FRYL: variants seen among roughly 807,000 people sequenced by gnomAD.
The protein encoded by FRYL is FRY like transcription coactivator.
In FRYL, 150 loss-of-function variants were observed where a neutral mutation model predicts 351.2. That is an observed-to-expected ratio of 0.43 (90% CI 0.37 to 0.49). The LOEUF (loss-of-function observed/expected upper bound fraction) is 0.49. Among genes scored for constraint, FRYL ranks in the 20% least tolerant of loss-of-function variants. FRYL has a pLI of 0.00. For missense variants in FRYL, 3,036 were observed against 3,619.3 expected (o/e 0.84, Z 4.13); for synonymous variants, 1,153 against 1,257.1 (o/e 0.92, Z 1.75).
At chr4:48,596,350 C>A (rs1314221049) in intron 13 of FRYL, among the ~76,000 whole-genome samples, 2 of 152,044 alleles carry the variant, frequency 1.3e-5, no homozygotes, top group Non-Finnish European at 2.9e-5. Flanking sequence ...GAAAAAGGAT[C>A]ACTCATTTTT....
chr4:48,572,316 A>AG (rs1457366870), intron 26 of FRYL, among the ~76,000 whole-genome samples: 1 of 152,246 alleles, frequency 6.6e-6, no homozygotes, highest in African/African-American at 2.4e-5. Flanking sequence ...CCACAGGCAC[A>AG]GGAACTACTG....
chr4:48,592,475 CCAG>C (rs1743624587), intron 16 of FRYL, among the ~76,000 whole-genome samples: 1 of 151,800 alleles, frequency 6.6e-6, no homozygotes, highest in Non-Finnish European at 1.5e-5. Flanking sequence ...AGAAAAAAAC[CCAG>C]CAGAACTGAT....
intron 3 of FRYL, among the ~76,000 whole-genome samples, chr4:48,674,489 C>G (rs1763228137): frequency 6.6e-6 from 1 of 151,900 alleles, no homozygotes; most frequent in African/African-American, 2.4e-5. Flanking sequence ...TTAAAAATTG[C>G]AACATAGGGA....
chr4:48,642,174 T>C (rs1017048167), intron 3 of FRYL, among the ~76,000 whole-genome samples: 3 of 152,202 alleles, frequency 2.0e-5, no homozygotes, highest in African/African-American at 7.2e-5. Flanking sequence ...TACAGCTGTA[T>C]AACAGGTTTT....
intron 1 of FRYL, among the ~76,000 whole-genome samples, chr4:48,741,526 A>C (rs1181364226): frequency 6.6e-6 from 1 of 151,968 alleles, no homozygotes; most frequent in Non-Finnish European, 1.5e-5. Context: ...GGCAGCAGAG[A>C]GGGATTCTGT....
intron 50 of FRYL, among the ~76,000 whole-genome samples, chr4:48,529,433 A>C (rs1274419334): frequency 6.6e-6 from 1 of 152,216 alleles, no homozygotes; most frequent in Non-Finnish European, 1.5e-5. Flanking sequence ...AATTTGCATC[A>C]CTGCTTCAAA....
rs1491084568 is a variant in FRYL at position 48,525,194 on chromosome 4, T to TAC, written c.7318-2091_7318-2090insGT. Reference sequence around the variant, plus strand: ...ATATATATATATATATATATATATATATACACACACTTGGATGTGATGTAA... The same window carrying TAC: ...ATATATATATATATATATATATATATACATACACACACTTGGATGTGATGTAA... On this transcript the variant is annotated intron_variant, in intron 53 of 63. Coordinates refer to ENST00000358350, the MANE Select transcript of FRYL (RefSeq NM_015030.2). Among the ~76,000 whole-genome samples the TAC allele has an allele frequency of 3.6e-3, 525 of 145,726 alleles. 4 individuals are homozygous for TAC. The highest frequency in any genetic ancestry group is 0.011 in the African/African-American group (405 of 38,276).
At chr4:48,653,848 G>GC in intron 3 of FRYL, 1 of 1,287,944 alleles carries the variant, frequency 7.8e-7, no homozygotes, top group Non-Finnish European at 1.0e-6. Context: ...AGAAGCAGCA[G>GC]CAGCAGCGGT....
At chr4:48,689,730 A>T (rs1389219448) in intron 2 of FRYL, among the ~76,000 whole-genome samples, 1 of 152,182 alleles carries the variant, frequency 6.6e-6, no homozygotes. Context: ...GAAATTTGAA[A>T]GAGGTGGAGA....
At chr4:48,745,359 T>C (rs1482096897) in intron 1 of FRYL, among the ~76,000 whole-genome samples, 1 of 152,102 alleles carries the variant, frequency 6.6e-6, no homozygotes, top group East Asian at 1.9e-4. Context: ...AACCCAAATG[T>C]CCATCAATGA....
chr4:48,722,082 CA>C (rs767677554), intron 1 of FRYL, among the ~76,000 whole-genome samples: 2 of 152,118 alleles, frequency 1.3e-5, no homozygotes, highest in Non-Finnish European at 2.9e-5. Context: ...CCAGTGAGCC[CA>C]AATTCTATTA....
At chr4:48,683,364 C>T (rs1301279372) in intron 3 of FRYL, among the ~76,000 whole-genome samples, 7 of 150,898 alleles carry the variant, frequency 4.6e-5, no homozygotes, top group African/African-American at 1.7e-4. Flanking sequence ...CACGTGTATA[C>T]CTATGTAACA....
chr4:48,506,244 A>G (rs951984757), intron 59 of FRYL: 1 of 151,962 alleles, frequency 6.6e-6, no homozygotes, highest in African/African-American at 2.4e-5. Flanking sequence ...TGTTGATATA[A>G]AAGTACAGGC....
chr4:48,510,679 C>T (rs746434342), intron 58 of FRYL, among the ~76,000 whole-genome samples, 156 bp downstream of exon 58: 5 of 151,984 alleles, frequency 3.3e-5, no homozygotes, highest in Admixed American at 6.6e-5. Context: ...GTTGCTGCAC[C>T]TAATATACTA....
intron 21 of FRYL, 22 bp from the exon 22 acceptor site, chr4:48,580,973 T>C: frequency 1.3e-6 from 2 of 1,507,912 alleles, no homozygotes; most frequent in Non-Finnish European, 1.8e-6. Flanking sequence ...ACATCATATG[T>C]CTAAAAAAAT....
At chr4:48,741,628 G>A (rs1025711009) in intron 1 of FRYL, among the ~76,000 whole-genome samples, 2 of 152,140 alleles carry the variant, frequency 1.3e-5, no homozygotes, top group Admixed American at 1.3e-4. Flanking sequence ...CCTAGGAGGT[G>A]GAGGTTGCAG....
chr4:48,694,196 A>T (rs61200248), intron 2 of FRYL, among the ~76,000 whole-genome samples: 4,916 of 152,170 alleles, frequency 0.032, 256 homozygotes, highest in African/African-American at 0.11. Context: ...CCAGGTTTCA[A>T]GTGGGGGGTG....
rs144316721 is a variant in FRYL at position 48,756,844 on chromosome 4, A to C, written c.-384+23234T>G. Among the ~76,000 whole-genome samples the C allele has an allele frequency of 1.3e-3, 196 of 152,290 alleles. 1 individual carries two copies. Among genetic ancestry groups the C allele is most frequent in the African/African-American group, 4.3e-3 (180 of 41,562 alleles). The stretch of plus-strand genomic sequence containing the variant: ...ACGCCTGTAGTCCAAGCTACTTGGG[A>C]GGCTGAAGTGGGAGGACTGCTCAAG... On this transcript the variant is annotated intron_variant, in intron 1 of 63. Transcript: ENST00000358350.
At chr4:48,765,448 T>C (rs746727634) in intron 1 of FRYL, among the ~76,000 whole-genome samples, 1 of 152,204 alleles carries the variant, frequency 6.6e-6, no homozygotes, top group Non-Finnish European at 1.5e-5. Flanking sequence ...GATAGTCACA[T>C]GCAGAAGAAT....
Sources: allele counts gnomAD v4.1 joint callset (sites outside exome capture counted in the v4.1 genomes callset), GRCh38; gene constraint gnomAD v4.1.1; transcripts MANE v1.5; gene names NCBI Gene and HGNC (gene_info 2026-07-23, HGNC 2026-07-21).